PHF24: variants seen among roughly 807,000 people sequenced by gnomAD.
The protein encoded by PHF24 is PHD finger protein 24.
PHF24 carries 25 observed loss-of-function variants against 42.6 expected under a neutral mutation model. That is an observed-to-expected ratio of 0.59 (90% CI 0.43 to 0.82). The LOEUF (loss-of-function observed/expected upper bound fraction) is 0.82, where lower values mean the gene tolerates loss of function less well. PHF24 is among the 40% of genes least tolerant of loss of function. PHF24 has a pLI of 0.00. For missense variants in PHF24, 470 were observed against 538.1 expected (o/e 0.87, Z 1.25); for synonymous variants, 185 against 204.8 (o/e 0.90, Z 0.83).
chr9:34,840,468 T>TCTCCTCCTCCTCCTTCTTCTTCCC, the PHF24 span, among the ~76,000 whole-genome samples: 1 of 151,642 alleles, frequency 6.6e-6, no homozygotes, highest in East Asian at 1.9e-4. Context: ...TTCTTCTTCT[T>TCTCCTCCTCCTCCTTCTTCTTCCC]CTCCTCCTCC....
chr9:34,787,110 A>G, the PHF24 span, among the ~76,000 whole-genome samples: 2 of 152,180 alleles, frequency 1.3e-5, no homozygotes, highest in East Asian at 3.9e-4. Flanking sequence ...AGGGGACCCA[A>G]ATACATTTTC....
the PHF24 span, among the ~76,000 whole-genome samples, chr9:34,767,855 C>T: frequency 3.3e-5 from 5 of 152,234 alleles, no homozygotes; most frequent in Admixed American, 1.3e-4. Flanking sequence ...TGGCTGCCCC[C>T]ATTGTCAGTT....
At chr9:34,764,483 C>A in the PHF24 span, among the ~76,000 whole-genome samples, 1 of 92,422 alleles carries the variant, frequency 1.1e-5, no homozygotes, top group Non-Finnish European at 2.5e-5. Flanking sequence ...AGTTTATTTG[C>A]GTAGAGGTGT....
At chr9:34,946,357 G>C in the PHF24 span, among the ~76,000 whole-genome samples, 1 of 152,166 alleles carries the variant, frequency 6.6e-6, no homozygotes, top group Admixed American at 6.5e-5. Flanking sequence ...GATAGAAACA[G>C]ATTCTTTCTA....
At chr9:34,875,942 A>ACTCT in the PHF24 span, among the ~76,000 whole-genome samples, 27 of 86,876 alleles carry the variant, frequency 3.1e-4, no homozygotes, top group African/African-American at 1.3e-3. Context: ...ACACACACAC[A>ACTCT]CACACACACT....
upstream of PHF24, among the ~76,000 whole-genome samples, chr9:34,957,863 G>A (rs1826417646): frequency 6.6e-6 from 1 of 151,896 alleles, no homozygotes; most frequent in African/African-American, 2.4e-5. Flanking sequence ...CGCGAGCGGT[G>A]AGCGGCCCCA....
chr9:34,966,587 C>G (rs10122284), intron 1 of PHF24, among the ~76,000 whole-genome samples: 36,090 of 151,610 alleles, frequency 0.24, 5,115 homozygotes, highest in East Asian at 0.68. Context: ...GAGACCCCCC[C>G]CCTCGCCCCA....
At chr9:34,758,638 C>T in the PHF24 span, among the ~76,000 whole-genome samples, 6 of 152,224 alleles carry the variant, frequency 3.9e-5, no homozygotes, top group African/African-American at 1.4e-4. This position sits in a 1 kb window ranked among gnomAD's most constrained non-coding sequence, Gnocchi z 4.4. Flanking sequence ...GCAGGGTACA[C>T]TTCAGAGGTG....
the PHF24 span, among the ~76,000 whole-genome samples, chr9:34,920,873 GT>G: frequency 6.6e-6 from 1 of 152,068 alleles, no homozygotes; most frequent in South Asian, 2.1e-4. Context: ...TACTGAATTT[GT>G]TTTTCAGTTC....
chr9:34,897,045 A>G, the PHF24 span, among the ~76,000 whole-genome samples: 1 of 152,086 alleles, frequency 6.6e-6, no homozygotes, highest in African/African-American at 2.4e-5. Flanking sequence ...AATCCCAGCT[A>G]CTCAGGAGGC....
the PHF24 span, among the ~76,000 whole-genome samples, chr9:34,721,434 G>T: frequency 6.6e-4 from 77 of 115,968 alleles, 1 homozygote; most frequent in African/African-American, 3.5e-3. Context: ...TCTCTCTCTC[G>T]ATGGAGTTTT....
chr9:34,948,034 G>A, the PHF24 span, among the ~76,000 whole-genome samples: 689 of 151,636 alleles, frequency 4.5e-3, 4 homozygotes, highest in Non-Finnish European at 6.6e-3. Flanking sequence ...GCGTGAACCC[G>A]GGGGGCGGAG....
At chr9:34,929,825 T>G in the PHF24 span, among the ~76,000 whole-genome samples, 1 of 152,164 alleles carries the variant, frequency 6.6e-6, no homozygotes, top group Non-Finnish European at 1.5e-5. Context: ...TAAGATGGCC[T>G]CCCCGACTCT....
At chr9:34,677,271 G>T in the PHF24 span, among the ~76,000 whole-genome samples, 1 of 151,702 alleles carries the variant, frequency 6.6e-6, no homozygotes, top group African/African-American at 2.4e-5. Flanking sequence ...TATTCCAACT[G>T]CCACCACCTA....
the PHF24 span, among the ~76,000 whole-genome samples, chr9:34,883,478 T>C: frequency 6.6e-6 from 1 of 152,208 alleles, no homozygotes; most frequent in Non-Finnish European, 1.5e-5. Flanking sequence ...GACAAAGGGC[T>C]AATATCCAGA....
the PHF24 span, among the ~76,000 whole-genome samples, chr9:34,936,590 C>A: frequency 6.6e-6 from 1 of 151,176 alleles, no homozygotes; most frequent in Non-Finnish European, 1.5e-5. Context: ...TGAGGAGCGT[C>A]TCTGCCCTGC....
At chr9:34,975,473 G>A (rs1827153671) in intron 3 of PHF24, among the ~76,000 whole-genome samples, 1 of 152,216 alleles carries the variant, frequency 6.6e-6, no homozygotes, top group South Asian at 2.1e-4. Flanking sequence ...GGGTATCTCA[G>A]AGGAAGAAAA....
the PHF24 span, among the ~76,000 whole-genome samples, chr9:34,855,760 G>T: frequency 0.36 from 54,420 of 151,854 alleles, 10,107 homozygotes; most frequent in East Asian, 0.67. Context: ...TCTTGGGGTT[G>T]ATCTTGTGGA....
At chr9:34,835,475 A>C in the PHF24 span, 4 of 1,551,976 alleles carry the variant, frequency 2.6e-6, no homozygotes. Context: ...GACCATATGC[A>C]AGGCCATCGG....
Sources: gnomAD v4.1 joint callset for allele counts (sites outside exome capture counted in the v4.1 genomes callset) on GRCh38, gnomAD v4.1.1 for gene constraint, Gnocchi (gnomAD v3.1) non-coding constraint, MANE v1.5 for transcripts, NCBI Gene and HGNC (gene_info 2026-07-23, HGNC 2026-07-21) for gene names.